Variants in MARK3 observed in about 807,000 individuals in gnomAD.
MARK3 encodes microtubule affinity regulating kinase 3, also known as MAP/microtubule affinity-regulating kinase 3.
In MARK3, 46 loss-of-function variants were observed where a neutral mutation model predicts 90.1. The ratio of observed to expected loss-of-function variants is 0.51; its 90% CI spans 0.40 to 0.65. The LOEUF (loss-of-function observed/expected upper bound fraction) is 0.65. MARK3 is among the 30% of genes least tolerant of loss of function. The pLI, the probability that MARK3 is intolerant of heterozygous loss-of-function variation, is 0.00. For synonymous variants in MARK3, 321 were observed against 332.6 expected (o/e 0.97, Z 0.38); for missense variants, 818 against 947.2 (o/e 0.86, Z 1.79).
intron 14 of MARK3, among the ~76,000 whole-genome samples, chr14:103,484,246 C>T (rs2093881599): frequency 6.6e-6 from 1 of 151,284 alleles, no homozygotes; most frequent in Non-Finnish European, 1.5e-5. Context: ...GGCACGATCT[C>T]GGGTCACTGC....
At chr14:103,493,396 A>G (rs2756137) in intron 15 of MARK3, among the ~76,000 whole-genome samples, 147,206 of 151,850 alleles carry the variant, frequency 0.97, 71,526 homozygotes, top group East Asian at 1. Context: ...AGTCAGACGC[A>G]TCAGAAGGTT....
intron 2 of MARK3, among the ~76,000 whole-genome samples, chr14:103,426,336 C>A (rs186747039): frequency 2.0e-5 from 3 of 149,972 alleles, no homozygotes; most frequent in Non-Finnish European, 3.0e-5. Flanking sequence ...TTCGTTGATA[C>A]AACCCACATT....
chr14:103,475,807 T>C (rs1487478463), intron 13 of MARK3, among the ~76,000 whole-genome samples: 4 of 152,072 alleles, frequency 2.6e-5, no homozygotes, highest in African/African-American at 9.7e-5. Context: ...TAGCTGGGCG[T>C]GGTGGCAGGC....
chr14:103,423,324 C>T (rs940139276), intron 2 of MARK3, among the ~76,000 whole-genome samples: 1 of 150,370 alleles, frequency 6.7e-6, no homozygotes. Context: ...GATTTTTCTC[C>T]AGTGGGTGTT....
At chr14:103,455,456 G>A (rs2093253725) in intron 5 of MARK3, among the ~76,000 whole-genome samples, 1 of 152,166 alleles carries the variant, frequency 6.6e-6, no homozygotes, top group Non-Finnish European at 1.5e-5. Context: ...GCTGGGCACG[G>A]TGGCTCACGC....
At position 103,475,150 on chromosome 14, in the gene MARK3, T is replaced by G; in HGVS notation, c.1422T>G (p.Asn474Lys). The G allele has an allele frequency of 6.2e-7, 1 of 1,614,138 alleles. No individual in the cohort carries two copies. Among genetic ancestry groups the G allele is most frequent in the South Asian group, 1.1e-5 (1 of 91,080 alleles). The change falls in exon 13 of 18, where the codon AAT (asparagine) becomes AAG (lysine). Residue 474 changes from asparagine (N) to lysine (K), a missense_variant. Transcript: ENST00000429436. ...CTCCAGCCAGTCCCATGCTTGGGAA[T>G]GCAAGTAATCCTAATAAGGCGGATA... is the stretch of plus-strand genomic sequence containing the variant. Reference protein sequence around the residue: ...GIAPASPMLGNASNPNKADIP... With the variant: ...GIAPASPMLGKASNPNKADIP...
At chr14:103,445,405 A>T (rs538265319) in intron 3 of MARK3, among the ~76,000 whole-genome samples, 1 of 152,328 alleles carries the variant, frequency 6.6e-6, no homozygotes, top group African/African-American at 2.4e-5. Context: ...GCTTATTTAC[A>T]CATTTGCTGC....
Position 103,385,685 on chromosome 14 carries a change from A to C in MARK3, c.-345A>C. 3 of 216,234 alleles carry C rather than the reference A, an allele frequency of 1.4e-5. No homozygotes were observed. Among genetic ancestry groups the C allele is most frequent in the Non-Finnish European group, 2.7e-5 (3 of 110,622 alleles). 13.4% of individuals were successfully genotyped at this position (216,234 alleles called of 1,614,324 possible). A position where few individuals can be genotyped will look rare whatever the true frequency, so the allele number is the denominator to read the frequency against. On this transcript the variant is annotated 5_prime_UTR_variant, in exon 1 of 18. Coordinates refer to ENST00000429436, the MANE Select transcript of MARK3 (RefSeq NM_001128918.3). ...TGAAATTCGCGGTGCGACGGGAGGG[A>C]GTGGAGAAGGAGGTGAGGGGGCCCA...
At chr14:103,420,606 T>TCA (rs2092170598) in intron 2 of MARK3, among the ~76,000 whole-genome samples, 2 of 152,154 alleles carry the variant, frequency 1.3e-5, no homozygotes, top group African/African-American at 4.8e-5. Context: ...AAGTGTGTAG[T>TCA]TCAGTGACAT....
rs1045364847 is a variant in MARK3 at position 103,385,953 on chromosome 14, G to C, written c.-77G>C. ...TTTTCGGAACTGCCGTGGACTCGAG[G>C]ACGCTGGTCGCCGGCCTCCTAGGGC... On this transcript the variant is annotated 5_prime_UTR_variant, in exon 1 of 18. Coordinates refer to ENST00000429436, the MANE Select transcript of MARK3 (RefSeq NM_001128918.3). The C allele has an allele frequency of 1.6e-6, 2 of 1,226,266 alleles. No homozygotes were observed. Among genetic ancestry groups the C allele is most frequent in the African/African-American group, 3.0e-5 (2 of 67,270 alleles). 76.0% of individuals were successfully genotyped at this position (1,226,266 alleles called of 1,614,324 possible). A position where few individuals can be genotyped will look rare whatever the true frequency, so the allele number is the denominator to read the frequency against.
At chr14:103,495,545 C>T (rs758811753) in intron 15 of MARK3, among the ~76,000 whole-genome samples, 4 of 151,728 alleles carry the variant, frequency 2.6e-5, no homozygotes, top group Non-Finnish European at 5.9e-5. Context: ...TTAGCCACTA[C>T]ACTGTGCTCC....
At chr14:103,411,622 TCTC>T (rs1167335843) in intron 2 of MARK3, among the ~76,000 whole-genome samples, 1 of 146,992 alleles carries the variant, frequency 6.8e-6, no homozygotes, top group African/African-American at 2.7e-5. Context: ...CTTTTTTTTT[TCTC>T]TCTCTCTTTT....
chr14:103,428,543 C>T lies in MARK3; in HGVS notation c.297+103C>T, dbSNP rs1481331444. On this transcript the variant is annotated intron_variant, in intron 3 of 17. Coordinates refer to ENST00000429436, the MANE Select transcript of MARK3 (RefSeq NM_001128918.3). ...CCAACTGTTATTTTATGTTTAATGC[C>T]ATAAAGCTTCCTATTCCTCAAATGA... is the stretch of plus-strand genomic sequence containing the variant. The T allele has an allele frequency of 1.5e-5, 10 of 660,704 alleles. No homozygotes were observed. The East Asian group carries it at 2.8e-4, about 19-fold the overall frequency. The allele number at this position is 660,704 out of a possible 1,614,324, so 40.9% of individuals were successfully genotyped here.
intron 3 of MARK3, among the ~76,000 whole-genome samples, chr14:103,433,745 G>A (rs2092648369): frequency 6.6e-6 from 1 of 152,042 alleles, no homozygotes; most frequent in African/African-American, 2.4e-5. Flanking sequence ...CTTTTCTTCT[G>A]ATTTCTAGGA....
At chr14:103,401,899 CAGT>C (rs2090987754) in intron 1 of MARK3, among the ~76,000 whole-genome samples, 1 of 152,086 alleles carries the variant, frequency 6.6e-6, no homozygotes, top group Admixed American at 6.6e-5. Context: ...GATACAAACT[CAGT>C]AGAATGAGCA....
At chr14:103,434,418 T>G (rs1177535210) in intron 3 of MARK3, among the ~76,000 whole-genome samples, 1 of 152,194 alleles carries the variant, frequency 6.6e-6, no homozygotes, top group Non-Finnish European at 1.5e-5. Context: ...CTGTGAAATT[T>G]TAGCTACAGC....
chr14:103,447,477 T>G (rs1419731376), intron 3 of MARK3, among the ~76,000 whole-genome samples: 1 of 152,130 alleles, frequency 6.6e-6, no homozygotes, highest in Non-Finnish European at 1.5e-5. Context: ...TTTTCCCCGC[T>G]TTTGCCTCCT....
intron 9 of MARK3, 105 bp from the exon 10 acceptor site, chr14:103,466,238 G>T: frequency 7.6e-7 from 1 of 1,314,234 alleles, no homozygotes; most frequent in South Asian, 1.4e-5. Flanking sequence ...TTGAGTTTAT[G>T]CTTTGAACGA....
At position 103,470,455 on chromosome 14, in the gene MARK3, A is replaced by ATTTTTTTTT. The variant is rs6145477; in HGVS notation, c.1264+2278_1264+2286dup. The stretch of plus-strand genomic sequence containing the variant: ...ATTCCAGGATTCAGGAACTAAATCT[A>ATTTTTTTTT]TTTTTTTTTTTTTTTTTGAGATGGA... On this transcript the variant is annotated intron_variant, in intron 12 of 17. Coordinates refer to ENST00000429436, the MANE Select transcript of MARK3 (RefSeq NM_001128918.3). Among the ~76,000 whole-genome samples the ATTTTTTTTT allele has an allele frequency of 6.2e-3, 339 of 55,016 alleles. 62 individuals are homozygous for ATTTTTTTTT. Among genetic ancestry groups the ATTTTTTTTT allele is most frequent in the African/African-American group, 0.018 (329 of 17,912 alleles). The allele number at this position is 55,016 out of a possible 152,430, so 36.1% of individuals were successfully genotyped here.
Sources: allele counts gnomAD v4.1 joint callset (sites outside exome capture counted in the v4.1 genomes callset), GRCh38; gene constraint gnomAD v4.1.1; transcripts MANE v1.5; gene names NCBI Gene and HGNC (gene_info 2026-07-23, HGNC 2026-07-21).